Variants in DNAJC1 observed in about 807,000 individuals in gnomAD.
DNAJC1 encodes dnaJ homolog subfamily C member 1.
DNAJC1 carries 58 observed loss-of-function variants against 76.6 expected under a neutral mutation model. The observed-to-expected ratio is 0.76, with a 90% CI of 0.61 to 0.94. The LOEUF (loss-of-function observed/expected upper bound fraction) is 0.94. Among genes scored for constraint, DNAJC1 ranks in the 40% least tolerant of loss-of-function variants. DNAJC1 has a pLI of 0.00. For missense variants in DNAJC1, 689 were observed against 677.3 expected (o/e 1.02, Z -0.19); for synonymous variants, 258 against 267.9 (o/e 0.96, Z 0.36).
At chr10:21,849,901 T>C (rs924972755) in intron 8 of DNAJC1, among the ~76,000 whole-genome samples, 2 of 151,856 alleles carry the variant, frequency 1.3e-5, no homozygotes, top group African/African-American at 2.4e-5. Flanking sequence ...CAGAAAAACA[T>C]TTGACAAAAT....
At chr10:21,780,459 G>C (rs547199908) in intron 9 of DNAJC1, among the ~76,000 whole-genome samples, 1 of 152,290 alleles carries the variant, frequency 6.6e-6, no homozygotes, top group African/African-American at 2.4e-5. Flanking sequence ...TTAAAGAAAA[G>C]AATTTTCAAC....
At chr10:21,898,828 C>T (rs1433085852) in intron 7 of DNAJC1, among the ~76,000 whole-genome samples, 2 of 149,782 alleles carry the variant, frequency 1.3e-5, no homozygotes, top group African/African-American at 4.9e-5. Context: ...AGTATTCCTT[C>T]TACTTACTAA....
In DNAJC1 at chr10:21,790,107, T is replaced by C. The variant is rs79959792; in HGVS notation, c.1098+15873A>G. 1.6e-4 allele frequency among the ~76,000 whole-genome samples: 24 copies of C among 147,638 alleles called. No individual in the cohort carries two copies. The East Asian group carries it at 4.5e-3, about 28-fold the overall frequency. On this transcript the variant is annotated intron_variant, in intron 9 of 11. Transcript: ENST00000376980. ...ATCTCTGAGTTTGAACACAGGTCAT[T>C]GGAAATTACCCAGTTAGAGAAAGAA...
chr10:21,805,805 G>A (rs1159184942), intron 9 of DNAJC1, among the ~76,000 whole-genome samples, 175 bp downstream of exon 9: 1 of 152,102 alleles, frequency 6.6e-6, no homozygotes, highest in African/African-American at 2.4e-5. Flanking sequence ...TGTGGACCAG[G>A]GGACTGGCTC....
intron 3 of DNAJC1, among the ~76,000 whole-genome samples, chr10:21,921,510 T>G (rs1047173397): frequency 2.6e-5 from 4 of 152,028 alleles, no homozygotes; most frequent in African/African-American, 9.7e-5. Context: ...GCCTATAAAA[T>G]TGAGTGTCTT....
chr10:21,979,712 CT>C (rs771102291), intron 1 of DNAJC1, among the ~76,000 whole-genome samples: 160 of 142,222 alleles, frequency 1.1e-3, no homozygotes, highest in Admixed American at 1.2e-3. Context: ...TATAATTTTT[CT>C]TTTTTTTTTT....
intron 7 of DNAJC1, among the ~76,000 whole-genome samples, chr10:21,882,826 T>C (rs909730867): frequency 2.0e-5 from 3 of 152,198 alleles, no homozygotes; most frequent in African/African-American, 7.2e-5. Context: ...AACTTTCTCA[T>C]CTATAAAAAA....
chr10:21,924,993 G>C (rs1340952308), intron 3 of DNAJC1, among the ~76,000 whole-genome samples: 1 of 152,028 alleles, frequency 6.6e-6, no homozygotes, highest in Non-Finnish European at 1.5e-5. Context: ...TATTTTTGTT[G>C]CTGTTGTTGT....
chr10:21,824,374 A>G (rs1405551523), intron 8 of DNAJC1, among the ~76,000 whole-genome samples: 1 of 152,236 alleles, frequency 6.6e-6, no homozygotes, highest in Non-Finnish European at 1.5e-5. Flanking sequence ...GAGTTCTATA[A>G]ACGTTATTTA....
intron 9 of DNAJC1, among the ~76,000 whole-genome samples, chr10:21,791,094 A>G (rs1834680695): frequency 6.6e-6 from 1 of 152,238 alleles, no homozygotes; most frequent in Non-Finnish European, 1.5e-5. Context: ...TATATCATAT[A>G]AAACAGACTT....
intron 8 of DNAJC1, among the ~76,000 whole-genome samples, chr10:21,808,743 A>G (rs941484644): frequency 6.6e-6 from 1 of 152,322 alleles, no homozygotes; most frequent in South Asian, 2.1e-4. Flanking sequence ...TAGCTGTGAA[A>G]GTCAAATGAA....
chr10:21,870,557 T>G (rs552067792), intron 8 of DNAJC1, among the ~76,000 whole-genome samples: 1 of 152,178 alleles, frequency 6.6e-6, no homozygotes, highest in South Asian at 2.1e-4. Flanking sequence ...GAGGACTGCT[T>G]AAGCCCAAGA....
At chr10:21,947,456 G>C (rs2131803646) in intron 1 of DNAJC1, among the ~76,000 whole-genome samples, 1 of 152,286 alleles carries the variant, frequency 6.6e-6, no homozygotes, top group East Asian at 1.9e-4. Context: ...AAGATGCAAA[G>C]ATGAAGAACT....
chr10:21,932,076 C>T (rs991637429), intron 1 of DNAJC1, among the ~76,000 whole-genome samples: 9 of 152,304 alleles, frequency 5.9e-5, no homozygotes, highest in African/African-American at 2.2e-4. Flanking sequence ...GTGGCTCACG[C>T]CCGTAATCCC....
chr10:21,907,170 C>T (rs2131747697), intron 6 of DNAJC1, among the ~76,000 whole-genome samples: 1 of 152,316 alleles, frequency 6.6e-6, no homozygotes, highest in Admixed American at 6.5e-5. Context: ...CAAATCCTCA[C>T]TTATCTGAGG....
At chr10:21,871,110 A>C (rs1035060438) in intron 8 of DNAJC1, among the ~76,000 whole-genome samples, 4 of 152,148 alleles carry the variant, frequency 2.6e-5, no homozygotes, top group African/African-American at 9.7e-5. Flanking sequence ...ATTTGTTAAA[A>C]AAATTTACAG....
intron 1 of DNAJC1, among the ~76,000 whole-genome samples, chr10:21,998,858 T>G (rs1337557282): frequency 1.3e-5 from 2 of 152,218 alleles, no homozygotes; most frequent in African/African-American, 2.4e-5. Context: ...TTAGTTACAA[T>G]GTTTATAATG....
intron 6 of DNAJC1, among the ~76,000 whole-genome samples, chr10:21,905,315 T>A (rs936969366): frequency 2.7e-5 from 4 of 150,692 alleles, no homozygotes; most frequent in Non-Finnish European, 5.9e-5. Flanking sequence ...AACAAGCTGA[T>A]GCTCTAGGCA....
chr10:21,870,216 T>C (rs75628412), intron 8 of DNAJC1, among the ~76,000 whole-genome samples: 9 of 152,186 alleles, frequency 5.9e-5, no homozygotes, highest in African/African-American at 1.9e-4. Flanking sequence ...TCTTAATAGA[T>C]GCAAAAATAA....
Sources: gnomAD v4.1 joint callset for allele counts (sites outside exome capture counted in the v4.1 genomes callset) on GRCh38, gnomAD v4.1.1 for gene constraint, MANE v1.5 for transcripts, NCBI Gene and HGNC (gene_info 2026-07-23, HGNC 2026-07-21) for gene names.